The following PKD2 variants were observed in gnomAD, a reference collection of about 807,000 sequenced individuals.
PKD2 encodes polycystin-2.
PKD2 carries 48 observed loss-of-function variants against 105.9 expected under a neutral mutation model. The ratio of observed to expected loss-of-function variants is 0.45; its 90% CI spans 0.36 to 0.58. PKD2 has a LOEUF of 0.58. Among genes scored for constraint, PKD2 ranks in the 20% least tolerant of loss-of-function variants. The probability of loss-of-function intolerance (pLI) is 0.00; values close to 1 mark genes in which losing one functional copy is unlikely to be tolerated. For synonymous variants in PKD2, 464 were observed against 481.1 expected (o/e 0.96, Z 0.46); for missense variants, 1,078 against 1,255.3 (o/e 0.86, Z 2.13).
chr4:88,019,342 AG>A, intron 1 of PKD2, 115 bp from the exon 2 acceptor site: 1 of 634,306 alleles, frequency 1.6e-6, no homozygotes, highest in Non-Finnish European at 2.8e-6. Context: ...AAAAAAAAAA[AG>A]GAGAATCTCC....
In PKD2 at chr4:88,046,127, C is replaced by CA. The variant is rs879584513; in HGVS notation, c.1320-502dup. ...CAAAAGGGCAAGACTCAGTCTCTGC[C>CA]AAAAAAAAAAAAATTAGTTGGGCAT... On this transcript the variant is annotated intron_variant, in intron 5 of 14. Transcript: ENST00000237596. 3.0e-3 allele frequency among the ~76,000 whole-genome samples: 403 copies of CA among 134,940 alleles called. 1 individual carries two copies. The highest frequency in any genetic ancestry group is 8.7e-3 in the African/African-American group (320 of 36,772). The allele number at this position is 134,940 out of a possible 152,430, so 88.5% of individuals were successfully genotyped here.
rs929155357 is a variant in PKD2, at chr4:88,077,629, C to T, written c.*1935C>T. ...TTTCTTCTTTAGTCATGGAGAACTCCCCCCCTCATCTCTTCCCTATTATCT... is the reference window on the plus strand; with the variant it reads ...TTTCTTCTTTAGTCATGGAGAACTCTCCCCCTCATCTCTTCCCTATTATCT... On this transcript the variant is annotated 3_prime_UTR_variant, in exon 15 of 15. Transcript: ENST00000237596. 7.2e-5 allele frequency: 11 copies of T among 152,244 alleles called. No homozygotes were observed. The highest frequency in any genetic ancestry group is 2.4e-4 in the African/African-American group (10 of 41,408). The allele number at this position is 152,244 out of a possible 1,614,324, so 9.4% of individuals were successfully genotyped here. A position where few individuals can be genotyped will look rare whatever the true frequency, so the allele number is the denominator to read the frequency against.
intron 1 of PKD2, among the ~76,000 whole-genome samples, chr4:88,016,869 G>A (rs1451195998): frequency 1.3e-5 from 2 of 152,004 alleles, no homozygotes; most frequent in African/African-American, 2.4e-5. Context: ...GCTGAGCTGA[G>A]GCAGGAGGAT....
rs762101546 is a variant in PKD2 at position 88,036,282 on chromosome 4, C to T, written c.772C>T (p.Leu258=). The change falls in exon 3 of 15, where the codon CTA becomes TTA. Residue 258 remains leucine, a synonymous_variant. Coordinates refer to ENST00000237596, the MANE Select transcript of PKD2 (RefSeq NM_000297.4). ...CACCCGGATGATGTCACAGCTCTTC[C>T]TAGACACCCCCGTGTCCAAAACGGA... ...YYTRMMSQLF[L]DTPVSKTEKT... The T allele has an allele frequency of 1.9e-6, 3 of 1,613,908 alleles. No homozygotes were observed. Among genetic ancestry groups the T allele is most frequent in the South Asian group, 2.2e-5 (2 of 91,076 alleles).
chr4:88,063,531 C>CA (rs202112108), intron 10 of PKD2, among the ~76,000 whole-genome samples: 12,062 of 97,864 alleles, frequency 0.12, 671 homozygotes, highest in East Asian at 0.29. Flanking sequence ...AACTCCGTCT[C>CA]AAAAAAAAAA....
At chr4:88,010,963 A>C (rs1262507686) in intron 1 of PKD2, among the ~76,000 whole-genome samples, 1 of 152,206 alleles carries the variant, frequency 6.6e-6, no homozygotes, top group East Asian at 1.9e-4. Context: ...GAAGGAGTTG[A>C]AAGTTTCTGA....
At chr4:88,031,629 TTTC>T (rs1450383764) in intron 2 of PKD2, among the ~76,000 whole-genome samples, 2 of 152,224 alleles carry the variant, frequency 1.3e-5, no homozygotes, top group Non-Finnish European at 2.9e-5. Flanking sequence ...AAAAATTTAA[TTTC>T]TTAACAGATA....
chr4:88,049,969 A>AT (rs397881137), intron 6 of PKD2, among the ~76,000 whole-genome samples: 1,995 of 118,446 alleles, frequency 0.017, 12 homozygotes, highest in Non-Finnish European at 0.021. Context: ...TACAGGGTAA[A>AT]TTTTTTTTTT....
intron 13 of PKD2, among the ~76,000 whole-genome samples, chr4:88,072,764 A>C (rs115119204): frequency 0.018 from 2,671 of 152,264 alleles, 88 homozygotes; most frequent in African/African-American, 0.06. Context: ...CAGGCTGGGC[A>C]CAGTGGCTCA....
In PKD2 at chr4:88,040,575, T is replaced by G. The variant is rs140616987; in HGVS notation, c.1094+2074T>G. Among the ~76,000 whole-genome samples, 336 of 152,286 alleles carry G rather than the reference T, an allele frequency of 2.2e-3. 1 individual carries two copies. The highest frequency in any genetic ancestry group is 7.9e-3 in the African/African-American group (327 of 41,560). On this transcript the variant is annotated intron_variant, in intron 4 of 14. Coordinates refer to ENST00000237596, the MANE Select transcript of PKD2 (RefSeq NM_000297.4). ...AATAGTCTTCATTTGCCACTTCCAT[T>G]TCCTTACCATCAATTCACGTCTTAA... is the stretch of plus-strand genomic sequence containing the variant.
Position 88,075,744 on chromosome 4 carries a change from C to A in PKD2, c.*50C>A. 2 of 1,309,550 alleles carry A rather than the reference C, an allele frequency of 1.5e-6. No homozygotes were observed. Among genetic ancestry groups the A allele is most frequent in the South Asian group, 1.2e-5 (1 of 84,918 alleles). 81.1% of individuals were successfully genotyped at this position (1,309,550 alleles called of 1,614,324 possible). A position where few individuals can be genotyped will look rare whatever the true frequency, so the allele number is the denominator to read the frequency against. On this transcript the variant is annotated 3_prime_UTR_variant, in exon 15 of 15. Coordinates refer to ENST00000237596, the MANE Select transcript of PKD2 (RefSeq NM_000297.4). ...TCTAATAAGTGAGGAAGTGGCTGTC[C>A]TGAATTGCTGTAACAAGCACACTAT... is the stretch of plus-strand genomic sequence containing the variant.
In PKD2 at chr4:88,020,458, A is replaced by ATCC. The variant is rs375937251; in HGVS notation, c.709+890_709+892dup. Among the ~76,000 whole-genome samples the ATCC allele has an allele frequency of 2.4e-3, 367 of 152,040 alleles. 3 individuals are homozygous for ATCC. The highest frequency in any genetic ancestry group is 8.5e-3 in the African/African-American group (352 of 41,472). On this transcript the variant is annotated intron_variant, in intron 2 of 14. Coordinates refer to ENST00000237596, the MANE Select transcript of PKD2 (RefSeq NM_000297.4). ...TTTCCTTCTTTCAGTTCGTCTTCCCATCCTCTGGTAGGGGGAGGGGAGGGA... is the reference window on the plus strand; with the variant it reads ...TTTCCTTCTTTCAGTTCGTCTTCCCATCCTCCTCTGGTAGGGGGAGGGGAGGGA...
Position 88,008,224 on chromosome 4 carries a change from G to T in PKD2, c.491G>T (p.Cys164Phe). The change falls in exon 1 of 15, where the codon TGC (cysteine) becomes TTC (phenylalanine). Residue 164 changes from cysteine (C) to phenylalanine (F), a missense_variant. Physicochemically the swap from Cys to Phe is radical, Grantham distance 205. Transcript: ENST00000237596. ...CGGCGAGAGGACCAGGGCCCGCCGT[G>T]CCCCAGCCCAGTCGGCGGCGGGGAC... ...RRRREDQGPP[C>F]PSPVGGGDPL... 3.5e-6 allele frequency: 5 copies of T among 1,415,142 alleles called. No individual in the cohort carries two copies. Among genetic ancestry groups the T allele is most frequent in the Non-Finnish European group, 4.6e-6 (5 of 1,088,990 alleles). The allele number at this position is 1,415,142 out of a possible 1,614,324, so 87.7% of individuals were successfully genotyped here.
chr4:88,007,666 A>G lies in PKD2; in HGVS notation c.-68A>G, dbSNP rs547865163. The G allele has an allele frequency of 4.8e-4, 496 of 1,026,228 alleles. No homozygotes were observed. Among genetic ancestry groups the G allele is most frequent in the Non-Finnish European group, 5.0e-4 (424 of 844,970 alleles). 63.6% of individuals were successfully genotyped at this position (1,026,228 alleles called of 1,614,324 possible). A position where few individuals can be genotyped will look rare whatever the true frequency, so the allele number is the denominator to read the frequency against. On this transcript the variant is annotated 5_prime_UTR_variant, in exon 1 of 15. An upstream start codon of the reference 5' UTR is lost. Transcript: ENST00000237596. ...CGGCGGGCGCCGGGAAGAAAGGAAC[A>G]TGGCTCCTGAGGCGCACAGCGCCGA... is the stretch of plus-strand genomic sequence containing the variant.
Position 88,056,205 on chromosome 4 carries a change from T to C in PKD2, c.1836T>C (p.Ala612=), listed in dbSNP as rs145952917. Residue 612 remains alanine, a synonymous_variant, in exon 8 of 15, where the codon GCT becomes GCC. Coordinates refer to ENST00000237596, the MANE Select transcript of PKD2 (RefSeq NM_000297.4). ...TCTTCATTATTTTCCTAGCGTATGC[T>C]CAGTTGGCATACCTTGTCTTTGGCA... ...IMFFIIFLAY[A]QLAYLVFGTQ... 3.7e-4 allele frequency: 597 copies of C among 1,612,576 alleles called. 5 individuals carry two copies. Among genetic ancestry groups the C allele is most frequent in the Middle Eastern group, 1.6e-4 (1 of 6,080 alleles).
At chr4:88,028,932 C>T (rs1359832936) in intron 2 of PKD2, among the ~76,000 whole-genome samples, 2 of 152,196 alleles carry the variant, frequency 1.3e-5, no homozygotes, top group Non-Finnish European at 1.5e-5. Flanking sequence ...GCACTTGTGT[C>T]AACAGCCTTT....
Position 88,068,026 on chromosome 4 carries a change from C to T in PKD2, c.2487C>T (p.Ser829=), listed in dbSNP as rs1720861518. 6.2e-7 allele frequency: 1 copy of T among 1,613,950 alleles called. No individual in the cohort carries two copies. The highest frequency in any genetic ancestry group is 1.7e-5 in the Admixed American group (1 of 60,008). ...GACATAGCTCCAGAAGGAGGGGAAG[C>T]ATTTCTAGTGGCGTTTCTTACGAAG... The part of the protein sequence containing the change: ...DSGHSSRRRG[S]ISSGVSYEEF... The change falls in exon 13 of 15, where the codon AGC becomes AGT. Residue 829 remains serine, a synonymous_variant. Coordinates refer to ENST00000237596, the MANE Select transcript of PKD2 (RefSeq NM_000297.4).
At chr4:88,051,600 G>T (rs1720103915) in intron 6 of PKD2, among the ~76,000 whole-genome samples, 1 of 152,140 alleles carries the variant, frequency 6.6e-6, no homozygotes, top group Non-Finnish European at 1.5e-5. Flanking sequence ...CAGGATGAAG[G>T]CAAGAAAGCA....
In PKD2 at chr4:88,071,672, G is replaced by A. The variant is rs1307071510; in HGVS notation, c.2523-3140G>A. On this transcript the variant is annotated intron_variant, in intron 13 of 14. Coordinates refer to ENST00000237596, the MANE Select transcript of PKD2 (RefSeq NM_000297.4). ...GACTTGTTTTTATTTCTCTTTGCTT[G>A]TTTACTTTTTCATACAGTCTGTTTC... 4.6e-5 allele frequency among the ~76,000 whole-genome samples: 7 copies of A among 152,062 alleles called. No homozygotes were observed. The South Asian group carries it at 8.3e-4, about 18-fold the overall frequency.
Sources: gnomAD v4.1 joint callset for allele counts (sites outside exome capture counted in the v4.1 genomes callset) on GRCh38, gnomAD v4.1.1 for gene constraint, MANE v1.5 for transcripts, NCBI Gene and HGNC (gene_info 2026-07-23, HGNC 2026-07-21) for gene names.